The following RTL4 variants were observed in gnomAD, a reference collection of about 807,000 sequenced individuals.
The protein encoded by RTL4 is retrotransposon Gag-like protein 4.
In RTL4, 4 loss-of-function variants were observed where a neutral mutation model predicts 5.3. The observed-to-expected ratio is 0.75, with a 90% CI of 0.37 to 1.72. The LOEUF is 1.72. Ranked by LOEUF, RTL4 falls within the 40% of genes most tolerant of loss-of-function variation. RTL4 has a pLI of 0.04. For synonymous variants in RTL4, 98 were observed against 87.3 expected, an observed-to-expected ratio of 1.12 and a Z score of -0.68; for missense variants, 260 against 227.1, an observed-to-expected ratio of 1.14 and a Z score of -0.93.
the RTL4 span, among the ~76,000 whole-genome samples, chrX:112,084,769 G>A: frequency 9.0e-6 from 1 of 111,220 alleles, no homozygotes; most frequent in East Asian, 2.8e-4. Flanking sequence ...GAGAGCAAAA[G>A]CCTTATTCTT....
the RTL4 span, among the ~76,000 whole-genome samples, chrX:112,341,139 A>T: frequency 1.8e-5 from 2 of 110,115 alleles, no homozygotes; most frequent in East Asian, 5.7e-4. Context: ...GAAAAAAATG[A>T]TATCACTGAG....
chrX:112,216,981 C>T, the RTL4 span, among the ~76,000 whole-genome samples: 86 of 112,209 alleles, frequency 7.7e-4, no homozygotes, highest in Non-Finnish European at 7.1e-4. Flanking sequence ...CAACAGGGAT[C>T]ATCCAGAACA....
At chrX:112,241,971 A>G in the RTL4 span, among the ~76,000 whole-genome samples, 28,805 of 109,222 alleles carry the variant, frequency 0.26, 3,755 homozygotes, top group African/African-American at 0.53. Flanking sequence ...GCCATTTCTT[A>G]TTTTTGTCAG....
At chrX:112,330,659 T>G in the RTL4 span, among the ~76,000 whole-genome samples, 1 of 111,032 alleles carries the variant, frequency 9.0e-6, no homozygotes, top group African/African-American at 3.3e-5. Flanking sequence ...AAAACTACTT[T>G]AAAGTTCATA....
chrX:112,100,022 C>T, the RTL4 span, among the ~76,000 whole-genome samples: 38 of 111,631 alleles, frequency 3.4e-4, no homozygotes, highest in Non-Finnish European at 4.9e-4. Flanking sequence ...GTTTCAGAGG[C>T]GATAAAATCA....
At chrX:112,376,079 G>T in the RTL4 span, among the ~76,000 whole-genome samples, 1 of 110,961 alleles carries the variant, frequency 9.0e-6, no homozygotes, top group Non-Finnish European at 1.9e-5. Context: ...AATCATGATT[G>T]GGGGGATGCT....
At chrX:112,114,754 T>C in the RTL4 span, among the ~76,000 whole-genome samples, 1 of 111,103 alleles carries the variant, frequency 9.0e-6, no homozygotes, top group Non-Finnish European at 1.9e-5. Flanking sequence ...GAGGCTAGGA[T>C]ATGGGAGTAA....
At chrX:112,169,411 G>A in the RTL4 span, among the ~76,000 whole-genome samples, 1 of 111,212 alleles carries the variant, frequency 9.0e-6, no homozygotes, top group African/African-American at 3.3e-5. Flanking sequence ...ACTGCACCTG[G>A]CCCTTGAATT....
the RTL4 span, among the ~76,000 whole-genome samples, chrX:112,344,397 G>A: frequency 4.4e-5 from 5 of 112,384 alleles, no homozygotes; most frequent in Non-Finnish European, 7.5e-5. Context: ...TCTGCAGGCT[G>A]TACAGGAAGC....
chrX:112,320,087 T>G, the RTL4 span: 1 of 111,949 alleles, frequency 8.9e-6, no homozygotes, highest in African/African-American at 3.3e-5. Flanking sequence ...AGACATATGC[T>G]GAGTTGCAGT....
the RTL4 span, among the ~76,000 whole-genome samples, chrX:112,424,497 ATCT>A: frequency 9.0e-6 from 1 of 111,154 alleles, no homozygotes; most frequent in African/African-American, 3.3e-5. Flanking sequence ...GTAGTGAATG[ATCT>A]TCTTGGATTA....
chrX:112,125,067 A>ATT, the RTL4 span, among the ~76,000 whole-genome samples: 9 of 95,608 alleles, frequency 9.4e-5, no homozygotes, highest in South Asian at 2.5e-3. Flanking sequence ...CACCTGGCTA[A>ATT]TTTTTTTTTT....
chrX:112,414,608 T>C, the RTL4 span, among the ~76,000 whole-genome samples: 1 of 112,003 alleles, frequency 8.9e-6, no homozygotes, highest in East Asian at 2.8e-4. Context: ...ATCTAACAGA[T>C]GACTGATGTT....
the RTL4 span, among the ~76,000 whole-genome samples, chrX:112,236,555 A>AATATATATATATATATATATATATAT: frequency 1.0e-5 from 1 of 99,763 alleles, no homozygotes; most frequent in African/African-American, 3.6e-5. Flanking sequence ...AGTTTGAATG[A>AATATATATATATATATATATATATAT]ATATATATAT....
At chrX:112,352,372 A>G in the RTL4 span, among the ~76,000 whole-genome samples, 6 of 111,207 alleles carry the variant, frequency 5.4e-5, no homozygotes, top group African/African-American at 9.8e-5. Context: ...CGCATCGCCA[A>G]GTCAATCCTC....
At chrX:112,399,693 GC>G in the RTL4 span, among the ~76,000 whole-genome samples, 1 of 111,022 alleles carries the variant, frequency 9.0e-6, no homozygotes, top group Non-Finnish European at 1.9e-5. Context: ...TATTCTTGGG[GC>G]TCTTCATTCA....
the RTL4 span, among the ~76,000 whole-genome samples, chrX:112,086,355 C>G: frequency 1.8e-5 from 2 of 112,433 alleles, no homozygotes; most frequent in Non-Finnish European, 3.8e-5. Context: ...TTTCTAACTA[C>G]TTGCATGCTA....
At chrX:112,211,213 T>C in the RTL4 span, among the ~76,000 whole-genome samples, 5 of 111,738 alleles carry the variant, frequency 4.5e-5, no homozygotes, top group Non-Finnish European at 9.4e-5. Context: ...ATCAGAAAAA[T>C]GTTCATTTAA....
At chrX:112,122,901 CTATT>C in the RTL4 span, among the ~76,000 whole-genome samples, 2 of 110,728 alleles carry the variant, frequency 1.8e-5, no homozygotes, top group South Asian at 7.5e-4. Context: ...TTTTCAATAT[CTATT>C]GTAATTTTAA....
Sources: gnomAD v4.1 joint callset for allele counts (sites outside exome capture counted in the v4.1 genomes callset) on GRCh38, gnomAD v4.1.1 for gene constraint, MANE v1.5 for transcripts, NCBI Gene and HGNC (gene_info 2026-07-23, HGNC 2026-07-21) for gene names.